The following UMAD1 variants were observed in gnomAD, a reference collection of about 807,000 sequenced individuals.
UMAD1 encodes UBAP1-MVB12-associated (UMA) domain containing 1, also known as UBAP1-MVB12-associated (UMA)-domain containing protein 1.
Under a neutral mutation model 6.1 loss-of-function variants are expected in UMAD1, and 8 were observed. The ratio of observed to expected loss-of-function variants is 1.30; its 90% confidence interval spans 0.76 to 2.35. UMAD1 has a LOEUF of 2.35. Ranked by LOEUF, UMAD1 falls within the 30% of genes most tolerant of loss-of-function variation. The pLI is 0.00. For synonymous variants in UMAD1, 56 were observed against 31.4 expected, an observed-to-expected ratio of 1.78 and a Z score of -2.61; for missense variants, 130 against 78.4, an observed-to-expected ratio of 1.66 and a Z score of -2.49.
intron 2 of UMAD1, among the ~76,000 whole-genome samples, chr7:7,793,713 T>C (rs1470618676): frequency 6.6e-6 from 1 of 152,058 alleles, no homozygotes; most frequent in Non-Finnish European, 1.5e-5. Flanking sequence ...TGAAAAAACA[T>C]TGAAAGGAAA....
intron 3 of UMAD1, among the ~76,000 whole-genome samples, chr7:7,824,214 C>G (rs7790638): frequency 0.02 from 3,058 of 152,154 alleles, 103 homozygotes; most frequent in African/African-American, 0.067. Flanking sequence ...ATATTCCTTC[C>G]TCCAGCCTCA....
intron 2 of UMAD1, among the ~76,000 whole-genome samples, chr7:7,674,676 TGAC>T (rs746390227): frequency 7.2e-5 from 11 of 152,202 alleles, no homozygotes; most frequent in Non-Finnish European, 1.6e-4. Context: ...ATTGCTAATA[TGAC>T]CCTTCCTTCA....
intron 3 of UMAD1, among the ~76,000 whole-genome samples, chr7:7,849,549 C>T (rs926361902): frequency 6.6e-6 from 1 of 152,146 alleles, no homozygotes; most frequent in Non-Finnish European, 1.5e-5. Flanking sequence ...GATGAAACCA[C>T]TCTATGACCC....
At chr7:7,768,906 CTGTT>C (rs1477505551) in intron 2 of UMAD1, among the ~76,000 whole-genome samples, 1 of 151,988 alleles carries the variant, frequency 6.6e-6, no homozygotes, top group African/African-American at 2.4e-5. Flanking sequence ...AAGTCAGTAG[CTGTT>C]TGCTGAATTA....
intron 1 of UMAD1, among the ~76,000 whole-genome samples, chr7:7,669,931 A>G (rs748024308): frequency 1.4e-4 from 21 of 152,146 alleles, no homozygotes; most frequent in Non-Finnish European, 2.5e-4. Context: ...CCCTCCTTCT[A>G]TAATATATTT....
chr7:7,765,620 TGC>T (rs1781969808), intron 2 of UMAD1, among the ~76,000 whole-genome samples: 1 of 152,202 alleles, frequency 6.6e-6, no homozygotes, highest in Non-Finnish European at 1.5e-5. Flanking sequence ...GAGGTAGGCC[TGC>T]CCTGAGGGTT....
intron 3 of UMAD1, among the ~76,000 whole-genome samples, chr7:7,822,135 A>G (rs1047539811): frequency 6.6e-6 from 1 of 152,062 alleles, no homozygotes; most frequent in African/African-American, 2.4e-5. Context: ...GGGTTTAGCT[A>G]TTTACCTGTG....
At chr7:7,705,564 C>G (rs928508294) in intron 2 of UMAD1, among the ~76,000 whole-genome samples, 4 of 151,986 alleles carry the variant, frequency 2.6e-5, no homozygotes, top group African/African-American at 9.7e-5. Flanking sequence ...CTTGTGTAAT[C>G]CATTGTTTTC....
chr7:7,683,516 C>A (rs1353031179), intron 2 of UMAD1, among the ~76,000 whole-genome samples: 1 of 152,054 alleles, frequency 6.6e-6, no homozygotes, highest in Admixed American at 6.6e-5. Flanking sequence ...GCAAATAAAA[C>A]CACAGAATTT....
intron 2 of UMAD1, among the ~76,000 whole-genome samples, chr7:7,719,227 A>G (rs938198476): frequency 6.6e-6 from 1 of 152,198 alleles, no homozygotes; most frequent in African/African-American, 2.4e-5. Context: ...GAGGATAACA[A>G]ATGTGTGATT....
chr7:7,654,098 A>C (rs543849921), intron 1 of UMAD1, among the ~76,000 whole-genome samples: 2 of 152,292 alleles, frequency 1.3e-5, no homozygotes, highest in African/African-American at 4.8e-5. Context: ...CTGCTAGGCT[A>C]CCCTTCTTGA....
At chr7:7,718,572 A>G (rs1780977960) in intron 2 of UMAD1, 1 of 152,202 alleles carries the variant, frequency 6.6e-6, no homozygotes, top group Non-Finnish European at 1.5e-5. Flanking sequence ...TTCACATCCA[A>G]AAATGTCCTC....
rs573122304 is a variant in UMAD1 at position 7,707,100 on chromosome 7, G to A, written c.82+33647G>A. Among the ~76,000 whole-genome samples, 3 of 152,180 alleles carry A rather than the reference G, an allele frequency of 2.0e-5. No homozygotes were observed. In the South Asian group the frequency reaches 6.2e-4, roughly 32 times the overall value. On this transcript the variant is annotated intron_variant, in intron 2 of 3. Transcript: ENST00000682710. Reference sequence around the variant, plus strand: ...TTCTGATTATAAATATATAACTATTGTACTACCATTCCCTGGTTGGTAGGA... The same window carrying A: ...TTCTGATTATAAATATATAACTATTATACTACCATTCCCTGGTTGGTAGGA...
chr7:7,838,034 A>G (rs1286536450), intron 3 of UMAD1, among the ~76,000 whole-genome samples: 3 of 152,202 alleles, frequency 2.0e-5, no homozygotes, highest in South Asian at 2.1e-4. Flanking sequence ...AAAATTATAT[A>G]AAGTAAAAAA....
chr7:7,760,239 T>G (rs1781858620), intron 2 of UMAD1, among the ~76,000 whole-genome samples: 1 of 152,004 alleles, frequency 6.6e-6, no homozygotes, highest in South Asian at 2.1e-4. Context: ...GTCCTTCAAC[T>G]GTTTTCTGAC....
chr7:7,822,450 T>C (rs1783259246), intron 3 of UMAD1, among the ~76,000 whole-genome samples: 1 of 151,844 alleles, frequency 6.6e-6, no homozygotes, highest in African/African-American at 2.4e-5. Context: ...TTGTATATCA[T>C]GCAAAGGACC....
intron 2 of UMAD1, among the ~76,000 whole-genome samples, chr7:7,777,143 A>G (rs1167467238): frequency 1.3e-5 from 2 of 152,114 alleles, no homozygotes; most frequent in Non-Finnish European, 2.9e-5. Flanking sequence ...GTATTATATG[A>G]CTGTACCATA....
intron 3 of UMAD1, among the ~76,000 whole-genome samples, chr7:7,819,081 C>G (rs1377086698): frequency 3.9e-5 from 6 of 152,074 alleles, no homozygotes; most frequent in Non-Finnish European, 4.4e-5. Context: ...AACTCCTGAC[C>G]CCAGGTGATC....
chr7:7,852,973 C>T (rs1175203920), intron 3 of UMAD1, among the ~76,000 whole-genome samples: 4 of 152,036 alleles, frequency 2.6e-5, no homozygotes, highest in African/African-American at 9.7e-5. Flanking sequence ...GAATGAGGGT[C>T]GTATAGCCCA....
Sources: gnomAD v4.1 joint callset for allele counts (sites outside exome capture counted in the v4.1 genomes callset) on GRCh38, gnomAD v4.1.1 for gene constraint, MANE v1.5 for transcripts, NCBI Gene and HGNC (gene_info 2026-07-23, HGNC 2026-07-21) for gene names.